The following ROBO2 variants were observed in gnomAD, a reference collection of about 807,000 sequenced individuals.
The protein encoded by ROBO2 is roundabout guidance receptor 2, also known as roundabout homolog 2.
Under a neutral mutation model 160.8 loss-of-function variants are expected in ROBO2, and 53 were observed. That is an observed-to-expected ratio of 0.33 (90% CI 0.26 to 0.41). ROBO2 has a LOEUF of 0.41. Among genes scored for constraint, ROBO2 ranks in the 10% least tolerant of loss-of-function variants. The pLI is 1.00. For synonymous variants in ROBO2, 664 were observed against 611.7 expected (o/e 1.09, Z -1.26); for missense variants, 1,577 against 1,722.4 (o/e 0.92, Z 1.49).
At chr3:76,714,554 AGCTAT>A (rs1298042780) in intron 2 of ROBO2, among the ~76,000 whole-genome samples, 1 of 152,184 alleles carries the variant, frequency 6.6e-6, no homozygotes, top group Non-Finnish European at 1.5e-5. Context: ...TTGTATATCC[AGCTAT>A]GCTTCCCTTT....
At chr3:76,310,030 C>T (rs949493268) in intron 2 of ROBO2, among the ~76,000 whole-genome samples, 1 of 151,874 alleles carries the variant, frequency 6.6e-6, no homozygotes, top group Non-Finnish European at 1.5e-5. Context: ...CCATGTTGCC[C>T]AGTCTGGTAT....
intron 2 of ROBO2, among the ~76,000 whole-genome samples, chr3:77,357,441 A>C (rs2069299775): frequency 6.6e-6 from 1 of 152,164 alleles, no homozygotes; most frequent in Non-Finnish European, 1.5e-5. Flanking sequence ...TGCAGCAAGA[A>C]GGTCCACAAC....
At chr3:76,288,401 C>T (rs183817991) in intron 2 of ROBO2, among the ~76,000 whole-genome samples, 1 of 151,982 alleles carries the variant, frequency 6.6e-6, no homozygotes, top group East Asian at 1.9e-4. Flanking sequence ...CTTAAATCAC[C>T]TAAAATACCC....
At chr3:77,524,505 C>T (rs2153629586) in intron 6 of ROBO2, among the ~76,000 whole-genome samples, 1 of 151,328 alleles carries the variant, frequency 6.6e-6, no homozygotes, top group Middle Eastern at 3.4e-3. Context: ...AACAACCAAC[C>T]AATAAATGCT....
intron 1 of ROBO2, among the ~76,000 whole-genome samples, chr3:77,056,437 A>G (rs754207276): frequency 6.6e-6 from 1 of 152,174 alleles, no homozygotes; most frequent in Non-Finnish European, 1.5e-5. Flanking sequence ...CTTATTATTA[A>G]TATCTTAATT....
rs180970668 is a variant in ROBO2, at chr3:76,232,834, C to G, written c.109+295232C>G. On this transcript the variant is annotated intron_variant, in intron 2 of 26. Coordinates refer to the ROBO2 transcript ENST00000487694. Reference sequence around the variant, plus strand: ...AACTATTTCAAACCTTTCACTCCCTCCCACTCCACCACCACTCTCAGTATA... The same window carrying G: ...AACTATTTCAAACCTTTCACTCCCTGCCACTCCACCACCACTCTCAGTATA... 1.3e-3 allele frequency among the ~76,000 whole-genome samples: 203 copies of G among 152,282 alleles called. 2 individuals are homozygous for G. The highest frequency in any genetic ancestry group is 4.6e-3 in the African/African-American group (191 of 41,560).
chr3:76,252,860 G>C (rs1434968101), intron 2 of ROBO2, among the ~76,000 whole-genome samples: 4 of 151,534 alleles, frequency 2.6e-5, no homozygotes, highest in Non-Finnish European at 5.9e-5. Flanking sequence ...AGACTGGCAA[G>C]TAGCCTCTAG....
intron 2 of ROBO2, among the ~76,000 whole-genome samples, chr3:77,380,672 T>C (rs1322682753): frequency 1.4e-5 from 2 of 138,098 alleles, no homozygotes; most frequent in Admixed American, 7.5e-5. Flanking sequence ...TCCCTCCCTC[T>C]CTCCCTCCTT....
At chr3:76,532,352 T>C (rs1358146184) in intron 2 of ROBO2, among the ~76,000 whole-genome samples, 1 of 152,190 alleles carries the variant, frequency 6.6e-6, no homozygotes, top group African/African-American at 2.4e-5. Flanking sequence ...AGTCTCTTAC[T>C]TGACATGCAC....
At chr3:77,396,913 A>T (rs1311761872) in intron 2 of ROBO2, among the ~76,000 whole-genome samples, 1 of 152,144 alleles carries the variant, frequency 6.6e-6, no homozygotes, top group African/African-American at 2.4e-5. Flanking sequence ...TAGAAACTTC[A>T]TCCTTTGAGG....
intron 2 of ROBO2, among the ~76,000 whole-genome samples, chr3:76,031,076 C>T (rs1165301959): frequency 1.3e-5 from 2 of 152,136 alleles, no homozygotes; most frequent in African/African-American, 4.8e-5. Flanking sequence ...CTGAAGAGGT[C>T]CTTCACATCC....
intron 2 of ROBO2, among the ~76,000 whole-genome samples, chr3:77,268,359 G>A (rs2059270638): frequency 6.6e-6 from 1 of 152,018 alleles, no homozygotes; most frequent in South Asian, 2.1e-4. Context: ...TACAGTGTAC[G>A]TTTTAAATAC....
chr3:77,236,832 A>T (rs933380560), intron 2 of ROBO2, among the ~76,000 whole-genome samples: 3 of 152,132 alleles, frequency 2.0e-5, no homozygotes, highest in Non-Finnish European at 4.4e-5. Flanking sequence ...CTTCAGTAAT[A>T]TACATTTAAG....
intron 2 of ROBO2, among the ~76,000 whole-genome samples, chr3:76,496,917 A>G (rs1218166694): frequency 6.6e-6 from 1 of 152,168 alleles, no homozygotes; most frequent in African/African-American, 2.4e-5. Flanking sequence ...TCTATGGTCT[A>G]TTCATTACAT....
At chr3:76,629,325 C>A (rs1467761662) in intron 2 of ROBO2, among the ~76,000 whole-genome samples, 2 of 152,030 alleles carry the variant, frequency 1.3e-5, no homozygotes, top group African/African-American at 4.8e-5. Context: ...TCTAGAGGGA[C>A]AGAACTAATA....
intron 21 of ROBO2, among the ~76,000 whole-genome samples, chr3:77,614,510 G>A (rs929089816): frequency 1.3e-5 from 2 of 152,008 alleles, no homozygotes; most frequent in African/African-American, 4.8e-5. Flanking sequence ...ATATTTAGGA[G>A]GAAATATTCC....
chr3:76,049,399 ATATATTTTT>A (rs2067572203), intron 2 of ROBO2, among the ~76,000 whole-genome samples: 2 of 50,370 alleles, frequency 4.0e-5, no homozygotes, highest in African/African-American at 2.7e-4. Context: ...ATATATATAT[ATATATTTTT>A]TTTTTTTTTT....
intron 1 of ROBO2, among the ~76,000 whole-genome samples, chr3:77,043,163 T>C (rs2064266773): frequency 1.3e-5 from 2 of 152,194 alleles, no homozygotes; most frequent in African/African-American, 4.8e-5. Flanking sequence ...ACATATATAG[T>C]GAAGAGGTTG....
intron 2 of ROBO2, among the ~76,000 whole-genome samples, chr3:76,680,437 T>C (rs144157807): frequency 0.01 from 1,589 of 151,858 alleles, 28 homozygotes; most frequent in African/African-American, 0.037. Flanking sequence ...AAACTGTCCA[T>C]TTAAAATGTA....
Sources: allele counts gnomAD v4.1 joint callset (sites outside exome capture counted in the v4.1 genomes callset), GRCh38; gene constraint gnomAD v4.1.1; transcripts MANE v1.5; gene names NCBI Gene and HGNC (gene_info 2026-07-23, HGNC 2026-07-21).